Variants in MTA3 observed in about 807,000 individuals in gnomAD.
The protein encoded by MTA3 is metastasis associated 1 family member 3.
Under a neutral mutation model 83.5 loss-of-function variants are expected in MTA3, and 34 were observed. That is an observed-to-expected ratio of 0.41 (90% CI 0.31 to 0.54). MTA3 has a LOEUF of 0.54. Ranked by LOEUF, MTA3 falls within the 20% of genes least tolerant of loss-of-function variation. The pLI is 0.33. For missense variants in MTA3, 761 were observed against 726.4 expected (o/e 1.05, Z -0.55); for synonymous variants, 303 against 252.7 (o/e 1.20, Z -1.89).
At chr2:42,509,492 G>A (rs1015935117) in intron 2 of MTA3, among the ~76,000 whole-genome samples, 2 of 152,100 alleles carry the variant, frequency 1.3e-5, no homozygotes, top group East Asian at 1.9e-4. Flanking sequence ...TTTGTTGGCC[G>A]GGTATGGTGG....
Position 42,695,387 on chromosome 2 carries a change from C to T in MTA3, c.892-378C>T, listed in dbSNP as rs561777838. On this transcript the variant is annotated intron_variant, in intron 9 of 16. Coordinates refer to ENST00000405094, the MANE Select transcript of MTA3 (RefSeq NM_001330442.2). ...TGACGGCTCGCACCTGTAATCTCAG[C>T]ACTTTGGGAGGCCGAGGCGGGCAGA... Among the ~76,000 whole-genome samples the T allele has an allele frequency of 2.6e-5, 4 of 151,828 alleles. No homozygotes were observed. In the South Asian group the frequency reaches 8.3e-4, roughly 32 times the overall value.
chr2:42,535,459 C>T (rs1676185772), intron 2 of MTA3, among the ~76,000 whole-genome samples: 2 of 152,018 alleles, frequency 1.3e-5, no homozygotes, highest in Admixed American at 1.3e-4. Flanking sequence ...CCATGTTGCA[C>T]AGGCTGATCT....
chr2:42,583,354 C>T (rs1372078012), intron 3 of MTA3, among the ~76,000 whole-genome samples: 1 of 152,170 alleles, frequency 6.6e-6, no homozygotes, highest in African/African-American at 2.4e-5. Flanking sequence ...TTGACTAAAA[C>T]ATCAGGTGCA....
intron 2 of MTA3, among the ~76,000 whole-genome samples, chr2:42,560,602 C>G (rs913397971): frequency 6.6e-6 from 1 of 150,768 alleles, no homozygotes; most frequent in African/African-American, 2.4e-5. Context: ...AACACACACA[C>G]ACACACACTC....
intron 2 of MTA3, among the ~76,000 whole-genome samples, chr2:42,556,031 C>T (rs907777015): frequency 2.0e-5 from 3 of 150,994 alleles, no homozygotes; most frequent in South Asian, 2.1e-4. Flanking sequence ...GACACAGTGC[C>T]GCTGCATTCC....
At chr2:42,543,018 G>A (rs1251547116) in intron 2 of MTA3, among the ~76,000 whole-genome samples, 2 of 152,112 alleles carry the variant, frequency 1.3e-5, no homozygotes, top group East Asian at 3.8e-4. Context: ...TAGGCAAGAA[G>A]TGTGGAGAGT....
intron 2 of MTA3, among the ~76,000 whole-genome samples, chr2:42,574,413 A>G (rs1678823269): frequency 6.6e-6 from 1 of 151,980 alleles, no homozygotes. Flanking sequence ...GGCGTGAGCC[A>G]CCATGCCCGG....
At chr2:42,725,716 C>T (rs958337596) in intron 16 of MTA3, among the ~76,000 whole-genome samples, 1 of 152,224 alleles carries the variant, frequency 6.6e-6, no homozygotes, top group Admixed American at 6.5e-5. Flanking sequence ...GTACAAGCTT[C>T]TGCACCTACC....
In MTA3 at chr2:42,753,775, ATG is replaced by A. The variant is rs1670055726; in HGVS notation, c.*380_*381del. The A allele has an allele frequency of 8.9e-7, 1 of 1,122,960 alleles. No homozygotes were observed. Among genetic ancestry groups the A allele is most frequent in the Non-Finnish European group, 1.1e-6 (1 of 911,510 alleles). The allele number at this position is 1,122,960 out of a possible 1,614,324, so 69.6% of individuals were successfully genotyped here. A position where few individuals can be genotyped will look rare whatever the true frequency, so the allele number is the denominator to read the frequency against. On this transcript the variant is annotated 3_prime_UTR_variant, in exon 17 of 17. Coordinates refer to ENST00000405094, the MANE Select transcript of MTA3 (RefSeq NM_001330442.2). ...AAGCTCAGAGCCGCTGCCACCCTGCATGTGTCCGCTCAGCTCGGTCTTATGCT... is the reference window on the plus strand; with the variant it reads ...AAGCTCAGAGCCGCTGCCACCCTGCATGTCCGCTCAGCTCGGTCTTATGCT...
intron 2 of MTA3, among the ~76,000 whole-genome samples, chr2:42,542,802 C>G (rs1056647654): frequency 4.6e-5 from 7 of 152,082 alleles, no homozygotes; most frequent in African/African-American, 1.7e-4. Flanking sequence ...AGTGACCTGT[C>G]CACCTCAGCC....
chr2:42,572,498 C>T (rs991682046), intron 2 of MTA3, among the ~76,000 whole-genome samples: 1 of 151,812 alleles, frequency 6.6e-6, no homozygotes, highest in Non-Finnish European at 1.5e-5. Context: ...TTGCTTGGGC[C>T]CAGGAGGTCA....
intron 2 of MTA3, among the ~76,000 whole-genome samples, chr2:42,545,336 C>G (rs1246264911): frequency 1.3e-5 from 2 of 152,256 alleles, no homozygotes; most frequent in East Asian, 1.9e-4. Context: ...CGTGATCATA[C>G]CACTGCATTC....
chr2:42,635,689 TG>T (rs1354927287), intron 4 of MTA3, among the ~76,000 whole-genome samples: 18 of 150,922 alleles, frequency 1.2e-4, no homozygotes, highest in Non-Finnish European at 2.2e-4. Context: ...AATAAAAAAA[TG>T]TCTTTCTTTA....
At chr2:42,504,665 CTTT>C (rs373215866) in intron 2 of MTA3, among the ~76,000 whole-genome samples, 1 of 143,062 alleles carries the variant, frequency 7.0e-6, no homozygotes, top group African/African-American at 2.6e-5. Context: ...TTTAAGCTTG[CTTT>C]TTTTTTTTTG....
At chr2:42,583,748 C>CT (rs1395968597) in intron 3 of MTA3, among the ~76,000 whole-genome samples, 1 of 151,678 alleles carries the variant, frequency 6.6e-6, no homozygotes, top group Non-Finnish European at 1.5e-5. Flanking sequence ...AGGCTGGTCT[C>CT]CAACTCCTGG....
chr2:42,651,035 A>T (rs1014988150), intron 6 of MTA3, among the ~76,000 whole-genome samples: 1 of 152,220 alleles, frequency 6.6e-6, no homozygotes, highest in African/African-American at 2.4e-5. Flanking sequence ...GGTATAGTCT[A>T]TTGCTCCCAG....
At chr2:42,616,865 G>A (rs916438611) in intron 4 of MTA3, among the ~76,000 whole-genome samples, 18 of 152,094 alleles carry the variant, frequency 1.2e-4, no homozygotes, top group African/African-American at 2.4e-4. Context: ...GATTACAGGC[G>A]TGAGCCATCG....
intron 14 of MTA3, among the ~76,000 whole-genome samples, chr2:42,715,925 A>T (rs1666993409): frequency 6.6e-6 from 1 of 152,232 alleles, no homozygotes; most frequent in Non-Finnish European, 1.5e-5. Context: ...GAAGAAAGAA[A>T]AATTTATCTT....
intron 11 of MTA3, chr2:42,703,955 GAC>G (rs894151605): frequency 2.3e-5 from 9 of 383,344 alleles, no homozygotes; most frequent in Non-Finnish European, 4.3e-5. Flanking sequence ...AAAGAGATGG[GAC>G]AGTATTTACT....
Sources: allele counts gnomAD v4.1 joint callset (sites outside exome capture counted in the v4.1 genomes callset), GRCh38; gene constraint gnomAD v4.1.1; transcripts MANE v1.5; gene names NCBI Gene and HGNC (gene_info 2026-07-23, HGNC 2026-07-21).